Variants in ATRNL1 observed in about 807,000 individuals in gnomAD.
ATRNL1 encodes the protein attractin like 1, also known as attractin-like protein 1.
A neutral mutation model predicts 182.7 loss-of-function variants in ATRNL1; 95 were observed. That is an observed-to-expected ratio of 0.52 (90% CI 0.44 to 0.62). The LOEUF (loss-of-function observed/expected upper bound fraction) is 0.62. ATRNL1 is among the 20% of genes least tolerant of loss of function. The pLI is 0.00. For synonymous variants in ATRNL1, 576 were observed against 568.3 expected, an observed-to-expected ratio of 1.01 and a Z score of -0.19; for missense variants, 1,471 against 1,679.5, an observed-to-expected ratio of 0.88 and a Z score of 2.17.
intron 28 of ATRNL1, among the ~76,000 whole-genome samples, chr10:115,933,683 C>T (rs2134600298): frequency 6.6e-6 from 1 of 152,306 alleles, no homozygotes; most frequent in African/African-American, 2.4e-5. Flanking sequence ...AACTTGGAAG[C>T]CACAAACTCA....
At chr10:115,389,100 C>T (rs527421918) in intron 19 of ATRNL1, among the ~76,000 whole-genome samples, 87 of 152,214 alleles carry the variant, frequency 5.7e-4, no homozygotes, top group African/African-American at 2.0e-3. Flanking sequence ...CATCATTCTA[C>T]TTTCTTCTTC....
intron 26 of ATRNL1, among the ~76,000 whole-genome samples, chr10:115,636,025 G>C (rs557136371): frequency 6.6e-6 from 1 of 152,110 alleles, no homozygotes; most frequent in East Asian, 1.9e-4. Flanking sequence ...ATATGAGGAG[G>C]GCTTTTGGAG....
intron 26 of ATRNL1, among the ~76,000 whole-genome samples, chr10:115,638,202 T>C (rs1331648982): frequency 1.3e-5 from 2 of 152,150 alleles, no homozygotes; most frequent in Non-Finnish European, 2.9e-5. Flanking sequence ...TATATTTAGA[T>C]ATGTTTAGAT....
intron 24 of ATRNL1, among the ~76,000 whole-genome samples, chr10:115,473,416 G>C (rs2134581747): frequency 6.6e-6 from 1 of 151,126 alleles, no homozygotes; most frequent in South Asian, 2.1e-4. Flanking sequence ...TTAAAGAACA[G>C]AATACAGCAT....
At position 115,840,815 on chromosome 10, in the gene ATRNL1, G is replaced by A. The variant is rs575380729; in HGVS notation, c.3904-7062G>A. Among the ~76,000 whole-genome samples the A allele has an allele frequency of 8.5e-5, 13 of 152,128 alleles. No homozygotes were observed. The East Asian group carries it at 2.5e-3, about 30-fold the overall frequency. ...AATATAGCAGGAATGGTAGATGTTGGCAAGAAGTCTACGTGAATGGAGGGG... is the reference window on the plus strand; with the variant it reads ...AATATAGCAGGAATGGTAGATGTTGACAAGAAGTCTACGTGAATGGAGGGG... On this transcript the variant is annotated intron_variant, in intron 27 of 28. Coordinates refer to ENST00000355044, the MANE Select transcript of ATRNL1 (RefSeq NM_207303.4).
chr10:115,130,858 A>G (rs75892289), intron 5 of ATRNL1, among the ~76,000 whole-genome samples: 1,904 of 152,238 alleles, frequency 0.013, 35 homozygotes, highest in African/African-American at 0.042. Context: ...TTCAATTGCT[A>G]TTAGTCTCCA....
chr10:115,620,895 C>G (rs1008800179), intron 26 of ATRNL1, among the ~76,000 whole-genome samples: 1 of 152,032 alleles, frequency 6.6e-6, no homozygotes, highest in Admixed American at 6.6e-5. Context: ...TGGCTGTAAA[C>G]CAAATTTTGG....
At position 115,215,760 on chromosome 10, in the gene ATRNL1, C is replaced by T; in HGVS notation, c.1412C>T (p.Thr471Ile). 1.2e-6 allele frequency: 2 copies of T among 1,609,842 alleles called. No individual in the cohort carries two copies. Among genetic ancestry groups the T allele is most frequent in the Non-Finnish European group, 1.7e-6 (2 of 1,178,426 alleles). Reference sequence around the variant, plus strand: ...ATTGTACAAGGTGGATATGGCCATACTAGTGTGTATGATGAAATAACAAAG... The same window carrying T: ...ATTGTACAAGGTGGATATGGCCATATTAGTGTGTATGATGAAATAACAAAG... The part of the protein sequence containing the change: ...GAIVQGGYGH[T>I]SVYDEITKSI... Residue 471 changes from threonine (T) to isoleucine (I), a missense_variant, in exon 9 of 29, where the codon ACT becomes ATT. Physicochemically the swap from Thr to Ile is moderately conservative, Grantham distance 89. This residue lies in a region of ATRNL1 where 1,031 missense variants were observed against 1,156.0 expected (regional missense o/e 0.89). Transcript: ENST00000355044.
chr10:115,745,020 A>G (rs112144911), intron 27 of ATRNL1, among the ~76,000 whole-genome samples: 2 of 152,154 alleles, frequency 1.3e-5, no homozygotes, highest in Non-Finnish European at 2.9e-5. Context: ...AAGATATACA[A>G]TGTGCTCATC....
chr10:115,316,783 G>A (rs960611378), intron 18 of ATRNL1, among the ~76,000 whole-genome samples: 30 of 151,896 alleles, frequency 2.0e-4, no homozygotes, highest in African/African-American at 7.3e-4. Flanking sequence ...TTGTAAATTT[G>A]TTTAAGTTCC....
At chr10:115,687,618 G>T (rs1946260098) in intron 26 of ATRNL1, among the ~76,000 whole-genome samples, 1 of 152,066 alleles carries the variant, frequency 6.6e-6, no homozygotes, top group Non-Finnish European at 1.5e-5. Context: ...TAATTTCATT[G>T]CCCCTTTGGA....
At chr10:115,726,154 T>C (rs1555060011) in intron 26 of ATRNL1, among the ~76,000 whole-genome samples, 1 of 151,904 alleles carries the variant, frequency 6.6e-6, no homozygotes, top group Non-Finnish European at 1.5e-5. Context: ...TTAAATAATT[T>C]GGCCTGTGTT....
rs782809006 is a variant in ATRNL1 at position 115,944,749 on chromosome 10, C to T, written c.4110C>T (p.His1370=). 26 of 1,613,512 alleles carry T rather than the reference C, an allele frequency of 1.6e-5. No individual in the cohort carries two copies. In the South Asian group the frequency reaches 2.9e-4, roughly 18 times the overall value. ...CTTCTGGAGTCCGGAATCGAAAACACCTTTCAACACGTCAAGGAACTTGTG... is the reference window on the plus strand; with the variant it reads ...CTTCTGGAGTCCGGAATCGAAAACATCTTTCAACACGTCAAGGAACTTGTG... ...DKTSGVRNRK[H]LSTRQGTCV The change falls in exon 29 of 29, where the codon CAC becomes CAT. Residue 1370 remains histidine (H), a synonymous_variant. Coordinates refer to ENST00000355044, the MANE Select transcript of ATRNL1 (RefSeq NM_207303.4).
intron 20 of ATRNL1, among the ~76,000 whole-genome samples, chr10:115,397,596 A>G (rs748484063): frequency 2.0e-5 from 3 of 152,008 alleles, no homozygotes; most frequent in Non-Finnish European, 2.9e-5. Context: ...AAAGGGAAGT[A>G]TTAATTTATT....
intron 24 of ATRNL1, among the ~76,000 whole-genome samples, chr10:115,510,692 A>T (rs1850343079): frequency 1.3e-5 from 2 of 152,042 alleles, no homozygotes; most frequent in Admixed American, 6.6e-5. Context: ...CTGTAACTAA[A>T]CTTGCAACAT....
chr10:115,618,084 A>C (rs1486232248), intron 26 of ATRNL1, among the ~76,000 whole-genome samples: 1 of 152,162 alleles, frequency 6.6e-6, no homozygotes, highest in African/African-American at 2.4e-5. Flanking sequence ...GTCTTCTGCC[A>C]TGATTGAAGC....
chr10:115,828,968 A>G (rs1950500939), intron 27 of ATRNL1, among the ~76,000 whole-genome samples: 1 of 152,176 alleles, frequency 6.6e-6, no homozygotes. Flanking sequence ...TGCTGATAGC[A>G]TTTTTAGGGG....
intron 6 of ATRNL1, 67 bp from the exon 7 acceptor site, chr10:115,165,491 C>T: frequency 1.3e-6 from 1 of 788,250 alleles, no homozygotes; most frequent in Non-Finnish European, 2.0e-6. Context: ...GAATAAAAAG[C>T]ACGTGAAAAT....
chr10:115,943,813 A>G (rs1953800608), intron 28 of ATRNL1, among the ~76,000 whole-genome samples: 3 of 152,198 alleles, frequency 2.0e-5, no homozygotes, highest in Non-Finnish European at 4.4e-5. Flanking sequence ...TAAACAAACT[A>G]TGGCACATCC....
Sources: allele counts gnomAD v4.1 joint callset (sites outside exome capture counted in the v4.1 genomes callset), GRCh38; gene constraint gnomAD v4.1.1; regional missense constraint gnomAD v4.1.1; transcripts MANE v1.5; gene names NCBI Gene and HGNC (gene_info 2026-07-23, HGNC 2026-07-21).